Variants in LHX8 observed in about 807,000 individuals in gnomAD.
LHX8 encodes LIM/homeobox protein Lhx8.
In LHX8, 12 loss-of-function variants were observed where a neutral mutation model predicts 40.3. That is an observed-to-expected ratio of 0.30 (90% CI 0.19 to 0.48). The LOEUF (loss-of-function observed/expected upper bound fraction) is 0.48, where lower values mean the gene tolerates loss of function less well. LHX8 is among the 20% of genes least tolerant of loss of function. LHX8 has a pLI of 0.99. For synonymous variants in LHX8, 179 were observed against 162.0 expected (o/e 1.10, Z -0.80); for missense variants, 344 against 433.7 (o/e 0.79, Z 1.84).
At chr1:75,152,009 G>A (rs1042921515) in intron 7 of LHX8, among the ~76,000 whole-genome samples, 9 of 152,198 alleles carry the variant, frequency 5.9e-5, no homozygotes, top group African/African-American at 1.9e-4. Context: ...CCAAAGGAAA[G>A]AGTACTAGCA....
chr1:75,167,975 T>C, the LHX8 span, among the ~76,000 whole-genome samples: 1 of 152,236 alleles, frequency 6.6e-6, no homozygotes, highest in African/African-American at 2.4e-5. Context: ...CCAAATTGGC[T>C]GACTCCCCAG....
In LHX8 at chr1:75,144,344, C is replaced by T. The variant is rs574654700; in HGVS notation, c.684+396C>T. ...ACATGTCCCATGTGAGTCTATGGGA[C>T]GCTAATGTGTTAGTCTTTGTAACAA... is the stretch of plus-strand genomic sequence containing the variant. On this transcript the variant is annotated intron_variant, in intron 6 of 8. Coordinates refer to ENST00000356261, the MANE Select transcript of LHX8 (RefSeq NM_001256114.2). Among the ~76,000 whole-genome samples, 25 of 152,232 alleles carry T rather than the reference C, an allele frequency of 1.6e-4. No homozygotes were observed. In the South Asian group the frequency reaches 2.1e-3, roughly 13 times the overall value.
chr1:75,150,974 C>T (rs1046472413), intron 7 of LHX8, among the ~76,000 whole-genome samples: 5 of 151,800 alleles, frequency 3.3e-5, no homozygotes, highest in Admixed American at 6.6e-5. Context: ...CGTGCCTAGC[C>T]GGAAAATAAT....
At chr1:75,162,481 G>T (rs1648942862), downstream of LHX8, among the ~76,000 whole-genome samples, 1 of 152,082 alleles carries the variant, frequency 6.6e-6, no homozygotes, top group Non-Finnish European at 1.5e-5. Flanking sequence ...ACTATAATTG[G>T]CATCCCTTAG....
the LHX8 span, among the ~76,000 whole-genome samples, chr1:75,177,183 T>G: frequency 2.8e-4 from 43 of 152,192 alleles, no homozygotes; most frequent in Non-Finnish European, 5.9e-4. Flanking sequence ...ATATGAACTT[T>G]AAAGTAGTTT....
At chr1:75,180,217 C>T in the LHX8 span, among the ~76,000 whole-genome samples, 1 of 152,040 alleles carries the variant, frequency 6.6e-6, no homozygotes, top group Non-Finnish European at 1.5e-5. Context: ...CCTGTATTTC[C>T]TGAATTTGAA....
At chr1:75,159,819 C>A (rs1263801708) in intron 8 of LHX8, 5 of 152,074 alleles carry the variant, frequency 3.3e-5, no homozygotes, top group Non-Finnish European at 2.9e-5. Context: ...AGTTTTACCC[C>A]CCAGGTAGTC....
At chr1:75,184,565 C>T in the LHX8 span, among the ~76,000 whole-genome samples, 19 of 152,094 alleles carry the variant, frequency 1.2e-4, no homozygotes, top group African/African-American at 3.1e-4. Flanking sequence ...TTCTTTGAAA[C>T]GAAGGAGAAC....
intron 6 of LHX8, among the ~76,000 whole-genome samples, chr1:75,145,307 T>C (rs1648432840): frequency 6.6e-6 from 1 of 152,008 alleles, no homozygotes; most frequent in Admixed American, 6.6e-5. Context: ...AAATAGAATC[T>C]CTAATATAAA....
Position 75,137,140 on chromosome 1 carries a change from C to T in LHX8, c.116C>T (p.Ser39Phe). ...GCGGGGGACGAGGACTCGTGCTCCT[C>T]CTCGGCCCCGCTGTCCCCGTCGTCC... ...EGAGDEDSCS[S>F]SAPLSPSSSP... The change falls in exon 3 of 9, where the codon TCC (serine) becomes TTC (phenylalanine). Residue 39 changes from serine to phenylalanine, a missense_variant. By Grantham distance (155) the Ser-to-Phe change is radical. Around this residue, in one of 3 missense-constraint regions of LHX8, gnomAD observed 108 missense variants for 90.1 expected, o/e 1.20. Transcript: ENST00000356261. 1.2e-6 allele frequency: 2 copies of T among 1,611,750 alleles called. No homozygotes were observed. The highest frequency in any genetic ancestry group is 8.5e-7 in the Non-Finnish European group (1 of 1,179,020).
At chr1:75,191,706 TAAG>T in the LHX8 span, among the ~76,000 whole-genome samples, 2 of 152,178 alleles carry the variant, frequency 1.3e-5, no homozygotes, top group Non-Finnish European at 2.9e-5. Context: ...CAAAGTTTAC[TAAG>T]AAGATGGTCA....
At chr1:75,159,386 G>C (rs1442907289) in intron 8 of LHX8, 1 of 152,026 alleles carries the variant, frequency 6.6e-6, no homozygotes, top group African/African-American at 2.4e-5. Context: ...TTTCATTATG[G>C]AAAATTCTCA....
intron 6 of LHX8, among the ~76,000 whole-genome samples, chr1:75,148,378 T>G (rs541959418): frequency 1.3e-5 from 2 of 152,284 alleles, no homozygotes; most frequent in South Asian, 4.1e-4. Context: ...TTGAAATGGA[T>G]TTTTTTAAAG....
chr1:75,164,233 C>A (rs1570311334), downstream of LHX8, among the ~76,000 whole-genome samples: 1 of 152,090 alleles, frequency 6.6e-6, no homozygotes, highest in East Asian at 1.9e-4. Flanking sequence ...GTATTCACAG[C>A]AACTTCATGA....
downstream of LHX8, among the ~76,000 whole-genome samples, chr1:75,165,891 C>A (rs1649022706): frequency 6.6e-6 from 1 of 152,174 alleles, no homozygotes; most frequent in African/African-American, 2.4e-5. Context: ...TGGGAGACAG[C>A]TGGATTTTGA....
chr1:75,185,786 C>G, the LHX8 span, among the ~76,000 whole-genome samples: 2 of 152,076 alleles, frequency 1.3e-5, 1 homozygote, highest in East Asian at 3.9e-4. Flanking sequence ...AATCTTATAT[C>G]TCGAAAACCC....
chr1:75,169,575 C>G, the LHX8 span, among the ~76,000 whole-genome samples: 2 of 152,118 alleles, frequency 1.3e-5, no homozygotes, highest in Non-Finnish European at 2.9e-5. Flanking sequence ...CTTTCCCTCA[C>G]AAACCGTACT....
chr1:75,156,367 G>A lies in LHX8; in HGVS notation c.781-526G>A, dbSNP rs187030741. ...AGTGATTCTCCTGCCTCAGCCATCC[G>A]AGTAGCTAGGATTATAGGTACCAAC... On this transcript the variant is annotated intron_variant, in intron 7 of 8. Transcript: ENST00000356261. Among the ~76,000 whole-genome samples the A allele has an allele frequency of 6.1e-4, 93 of 151,998 alleles. 1 individual carries two copies. In the East Asian group the frequency reaches 0.017, roughly 28 times the overall value.
chr1:75,180,324 C>T, the LHX8 span, among the ~76,000 whole-genome samples: 3 of 152,176 alleles, frequency 2.0e-5, no homozygotes, highest in African/African-American at 7.2e-5. Context: ...CTTTCAGGTA[C>T]ACCAATCAAA....
Sources: allele counts gnomAD v4.1 joint callset (sites outside exome capture counted in the v4.1 genomes callset), GRCh38; gene constraint gnomAD v4.1.1; regional missense constraint gnomAD v4.1.1; transcripts MANE v1.5; gene names NCBI Gene and HGNC (gene_info 2026-07-23, HGNC 2026-07-21).